Variants in HMCN1 observed in about 807,000 individuals in gnomAD.
HMCN1 encodes the protein hemicentin 1.
A neutral mutation model predicts 625.9 loss-of-function variants in HMCN1; 321 were observed. The ratio of observed to expected loss-of-function variants is 0.51; its 90% confidence interval spans 0.47 to 0.56. The LOEUF is 0.56. HMCN1 is among the 20% of genes least tolerant of loss of function. The pLI is 0.00. For missense variants in HMCN1, 6,588 were observed against 6,887.3 expected, an observed-to-expected ratio of 0.96 and a Z score of 1.54; for synonymous variants, 2,425 against 2,417.6, an observed-to-expected ratio of 1.00 and a Z score of -0.09.
intron 5 of HMCN1, among the ~76,000 whole-genome samples, chr1:185,910,859 G>A (rs553598183): frequency 2.4e-4 from 36 of 152,106 alleles, no homozygotes; most frequent in Non-Finnish European, 5.1e-4. Context: ...GTGAGCCACC[G>A]TGCCTGGCCT....
At chr1:185,754,750 A>G (rs1469674978) in intron 1 of HMCN1, among the ~76,000 whole-genome samples, 2 of 152,186 alleles carry the variant, frequency 1.3e-5, no homozygotes. Flanking sequence ...TGGGAGGCTG[A>G]GGCAGGGTAA....
intron 45 of HMCN1, among the ~76,000 whole-genome samples, chr1:186,056,208 A>G (rs2102290220): frequency 6.6e-6 from 1 of 152,166 alleles, no homozygotes; most frequent in African/African-American, 2.4e-5. Context: ...ACAATGGTAA[A>G]TTTAATGGAC....
At chr1:186,015,561 T>C (rs751664508) in intron 31 of HMCN1, 124 bp downstream of exon 31, 14 of 928,450 alleles carry the variant, frequency 1.5e-5, no homozygotes, top group Non-Finnish European at 1.7e-5. Flanking sequence ...TGGATAGGAA[T>C]TGGAAGAATT....
intron 6 of HMCN1, among the ~76,000 whole-genome samples, chr1:185,912,220 T>C (rs1459493208): frequency 6.6e-6 from 1 of 152,158 alleles, no homozygotes; most frequent in Non-Finnish European, 1.5e-5. Context: ...TTCTCTGTCA[T>C]GTGGAGATGA....
At chr1:185,779,840 G>T (rs1044008613) in intron 1 of HMCN1, among the ~76,000 whole-genome samples, 2 of 152,070 alleles carry the variant, frequency 1.3e-5, no homozygotes, top group South Asian at 4.2e-4. Flanking sequence ...GCTCTTTTTT[G>T]GTTCCATATG....
intron 1 of HMCN1, among the ~76,000 whole-genome samples, chr1:185,766,434 G>T (rs1655877522): frequency 6.6e-6 from 1 of 152,092 alleles, no homozygotes; most frequent in South Asian, 2.1e-4. Flanking sequence ...ATAAAGCTGA[G>T]ATCCCAAGGG....
chr1:186,020,237 TGATAGATA>T (rs4007525), intron 35 of HMCN1, among the ~76,000 whole-genome samples: 21 of 149,974 alleles, frequency 1.4e-4, no homozygotes, highest in South Asian at 8.4e-4. Context: ...AGTAGATTGA[TGATAGATA>T]GATAGATAGA....
intron 6 of HMCN1, among the ~76,000 whole-genome samples, chr1:185,922,075 C>T (rs1180100610): frequency 6.6e-6 from 1 of 152,158 alleles, no homozygotes; most frequent in Non-Finnish European, 1.5e-5. Context: ...GATCCATACC[C>T]TCATGGAGCT....
intron 2 of HMCN1, among the ~76,000 whole-genome samples, chr1:185,855,343 A>T (rs1486132506): frequency 2.0e-5 from 3 of 152,146 alleles, no homozygotes; most frequent in African/African-American, 4.8e-5. Flanking sequence ...TGAGAAGAGG[A>T]TGGTTACTGA....
At chr1:185,923,186 T>C (rs1667085324) in intron 7 of HMCN1, among the ~76,000 whole-genome samples, 1 of 152,202 alleles carries the variant, frequency 6.6e-6, no homozygotes, top group African/African-American at 2.4e-5. Flanking sequence ...ATAGTTAAAA[T>C]ACTATAAAAG....
chr1:186,065,124 G>A lies in HMCN1; in HGVS notation c.7514-114G>A, dbSNP rs76859653. 5,930 of 718,898 alleles carry A rather than the reference G, an allele frequency of 8.2e-3. 36 individuals carry two copies. Among genetic ancestry groups the A allele is most frequent in the African/African-American group, 0.012 (670 of 56,408 alleles). The allele number at this position is 718,898 out of a possible 1,614,324, so 44.5% of individuals were successfully genotyped here. On this transcript the variant is annotated intron_variant, in intron 48 of 106. Coordinates refer to ENST00000271588, the MANE Select transcript of HMCN1 (RefSeq NM_031935.3). ...TATTTTTAAATGAATGATTACTGCC[G>A]TGTTTTAGACATGGGATATGTAGGA...
chr1:186,175,729 G>A (rs1379822525), intron 103 of HMCN1, among the ~76,000 whole-genome samples: 2 of 151,818 alleles, frequency 1.3e-5, no homozygotes, highest in Non-Finnish European at 2.9e-5. Context: ...CAATAAAAGA[G>A]TTAAAATGGC....
intron 1 of HMCN1, among the ~76,000 whole-genome samples, chr1:185,799,397 T>C (rs1280058437): frequency 3.9e-5 from 6 of 152,178 alleles, no homozygotes; most frequent in South Asian, 2.1e-4. Flanking sequence ...GCCCAATGGC[T>C]TGGACTCCAC....
At chr1:186,071,990 G>T (rs969146129) in intron 52 of HMCN1, among the ~76,000 whole-genome samples, 1 of 152,064 alleles carries the variant, frequency 6.6e-6, no homozygotes, top group Non-Finnish European at 1.5e-5. Context: ...AGGAAATGAG[G>T]CATTTTTGTC....
At chr1:185,824,033 G>A (rs1041691152) in intron 1 of HMCN1, among the ~76,000 whole-genome samples, 25 of 152,274 alleles carry the variant, frequency 1.6e-4, no homozygotes, top group African/African-American at 5.8e-4. Flanking sequence ...ATTTCTGATA[G>A]AAATGGGAGT....
At chr1:185,899,799 G>A (rs929125041) in intron 4 of HMCN1, among the ~76,000 whole-genome samples, 19 of 152,016 alleles carry the variant, frequency 1.2e-4, no homozygotes, top group Admixed American at 3.3e-4. Context: ...GTTACTACAG[G>A]CAGGCAACAT....
intron 40 of HMCN1, among the ~76,000 whole-genome samples, chr1:186,043,397 A>T (rs1026824611): frequency 3.3e-5 from 5 of 152,122 alleles, no homozygotes; most frequent in Admixed American, 6.5e-5. Flanking sequence ...ATTTGCTTCA[A>T]TTTTTGTCCC....
At chr1:186,173,567 GC>G (rs1328558236) in intron 102 of HMCN1, among the ~76,000 whole-genome samples, 3 of 145,766 alleles carry the variant, frequency 2.1e-5, no homozygotes, top group Non-Finnish European at 4.5e-5. Context: ...TTTGAACCCA[GC>G]AGGCAGAGGT....
At chr1:185,956,136 G>A (rs1251039033) in intron 11 of HMCN1, among the ~76,000 whole-genome samples, 2 of 152,134 alleles carry the variant, frequency 1.3e-5, no homozygotes, top group Middle Eastern at 3.2e-3. Context: ...TACAGGAAAA[G>A]TCAAAGTGTA....
Sources: gnomAD v4.1 joint callset for allele counts (sites outside exome capture counted in the v4.1 genomes callset) on GRCh38, gnomAD v4.1.1 for gene constraint, MANE v1.5 for transcripts, NCBI Gene and HGNC (gene_info 2026-07-23, HGNC 2026-07-21) for gene names.